CTNNA3: variants seen among roughly 807,000 people sequenced by gnomAD.
CTNNA3 encodes the protein catenin alpha-3.
CTNNA3 carries 76 observed loss-of-function variants against 95.7 expected under a neutral mutation model. The observed-to-expected ratio is 0.79, with a 90% CI of 0.66 to 0.96. The LOEUF (loss-of-function observed/expected upper bound fraction) is 0.96, where lower values mean the gene tolerates loss of function less well. CTNNA3 is among the 40% of genes least tolerant of loss of function. CTNNA3 has a pLI of 0.00. For missense variants in CTNNA3, 1,191 were observed against 1,089.8 expected (o/e 1.09, Z -1.31); for synonymous variants, 431 against 374.4 (o/e 1.15, Z -1.74).
At chr10:67,474,330 A>G (rs965887310) in intron 5 of CTNNA3, among the ~76,000 whole-genome samples, 2 of 152,210 alleles carry the variant, frequency 1.3e-5, no homozygotes, top group Admixed American at 1.3e-4. Flanking sequence ...CCCTAATCCA[A>G]TACGACCGCT....
chr10:67,347,300 A>C (rs553118496), intron 5 of CTNNA3, among the ~76,000 whole-genome samples: 1 of 152,048 alleles, frequency 6.6e-6, no homozygotes, highest in Non-Finnish European at 1.5e-5. Flanking sequence ...CTGAGCTCAA[A>C]GCCATTTTCC....
At chr10:66,970,356 T>A (rs1282952212) in intron 7 of CTNNA3, among the ~76,000 whole-genome samples, 1 of 152,140 alleles carries the variant, frequency 6.6e-6, no homozygotes, top group East Asian at 1.9e-4. Context: ...ATATATTACC[T>A]GCATACACAG....
intron 12 of CTNNA3, among the ~76,000 whole-genome samples, chr10:66,287,059 C>G (rs767033898): frequency 6.6e-6 from 1 of 152,014 alleles, no homozygotes; most frequent in African/African-American, 2.4e-5. Context: ...AATCAGCACC[C>G]CCACACTTGC....
intron 12 of CTNNA3, among the ~76,000 whole-genome samples, chr10:66,303,541 A>G (rs10997047): frequency 0.28 from 43,005 of 152,082 alleles, 6,894 homozygotes; most frequent in East Asian, 0.51. Flanking sequence ...AAGTTTTTAT[A>G]TAATTGGTTA....
At chr10:67,405,830 G>A (rs989343837) in intron 5 of CTNNA3, among the ~76,000 whole-genome samples, 1 of 152,122 alleles carries the variant, frequency 6.6e-6, no homozygotes, top group Admixed American at 6.6e-5. Context: ...AAATGTAAAA[G>A]AACTGAAATC....
At chr10:66,517,120 G>A (rs1341719822) in intron 11 of CTNNA3, among the ~76,000 whole-genome samples, 1 of 152,094 alleles carries the variant, frequency 6.6e-6, no homozygotes, top group East Asian at 1.9e-4. Flanking sequence ...TACTTGGGAG[G>A]CTGAGGCAGG....
In CTNNA3 at chr10:67,024,814, C is replaced by T. The variant is rs77872646; in HGVS notation, c.1047+155503G>A. 7.7e-3 allele frequency among the ~76,000 whole-genome samples: 1,176 copies of T among 152,086 alleles called. 40 individuals carry two copies. The East Asian group carries it at 0.11, about 14-fold the overall frequency. The stretch of plus-strand genomic sequence containing the variant: ...TAACTTGCTCAAAAGTTATTTATAA[C>T]CAATATTAATGAATTTTAAAAGAAA... On this transcript the variant is annotated intron_variant, in intron 7 of 17. Coordinates refer to ENST00000433211, the MANE Select transcript of CTNNA3 (RefSeq NM_013266.4).
rs186086239 is a variant in CTNNA3 at position 67,208,316 on chromosome 10, T to C, written c.843+11291A>G. Among the ~76,000 whole-genome samples the C allele has an allele frequency of 4.8e-3, 709 of 148,740 alleles. 3 individuals are homozygous for C. Among genetic ancestry groups the C allele is most frequent in the Middle Eastern group, 0.028 (8 of 290 alleles). ...CTTGCTTGAACCCAGGAGGCAGAGG[T>C]TGCAGTGAGCCGAGATCGTGCCACT... On this transcript the variant is annotated intron_variant, in intron 6 of 17. Transcript: ENST00000433211.
intron 10 of CTNNA3, among the ~76,000 whole-genome samples, chr10:66,554,262 TC>T (rs2132116577): frequency 6.6e-6 from 1 of 152,282 alleles, no homozygotes; most frequent in Non-Finnish European, 1.5e-5. Context: ...TTGCCTTTTT[TC>T]CCCTGAATAC....
At chr10:66,896,579 T>G (rs1333825007) in intron 7 of CTNNA3, among the ~76,000 whole-genome samples, 1 of 152,226 alleles carries the variant, frequency 6.6e-6, no homozygotes, top group Admixed American at 6.5e-5. Flanking sequence ...AATAACTGAA[T>G]GAAGAGTGGT....
At chr10:66,059,332 T>C (rs2080149370) in intron 15 of CTNNA3, among the ~76,000 whole-genome samples, 1 of 152,166 alleles carries the variant, frequency 6.6e-6, no homozygotes, top group Admixed American at 6.6e-5. Flanking sequence ...AGCTGGATAA[T>C]GAAGGTCCTT....
intron 7 of CTNNA3, among the ~76,000 whole-genome samples, chr10:67,165,129 G>A (rs1171758717): frequency 1.3e-5 from 2 of 152,082 alleles, no homozygotes; most frequent in Admixed American, 6.6e-5. Flanking sequence ...ATAGTCAAAT[G>A]TATAAACAAT....
chr10:67,700,361 A>C (rs924697358), upstream of CTNNA3, among the ~76,000 whole-genome samples: 4 of 152,202 alleles, frequency 2.6e-5, no homozygotes, highest in African/African-American at 9.6e-5. Flanking sequence ...GAGCAGCCTA[A>C]CTGGGAGGCA....
intron 5 of CTNNA3, among the ~76,000 whole-genome samples, chr10:67,358,723 G>A (rs569238060): frequency 9.9e-5 from 15 of 152,180 alleles, no homozygotes; most frequent in East Asian, 3.9e-4. Flanking sequence ...CCAGTGGGTC[G>A]TCAGAGAGTT....
chr10:67,484,233 A>G (rs531235917), intron 5 of CTNNA3, among the ~76,000 whole-genome samples: 15 of 152,348 alleles, frequency 9.8e-5, no homozygotes, highest in African/African-American at 3.6e-4. Flanking sequence ...AGGACTCCCT[A>G]TTCAATAAAT....
At chr10:66,206,581 T>G (rs2131935597) in intron 13 of CTNNA3, among the ~76,000 whole-genome samples, 1 of 152,036 alleles carries the variant, frequency 6.6e-6, no homozygotes, top group African/African-American at 2.4e-5. Context: ...GGGAATGAAA[T>G]TCATGAAATG....
intron 7 of CTNNA3, among the ~76,000 whole-genome samples, chr10:66,908,822 A>G (rs539601827): frequency 6.6e-6 from 1 of 152,272 alleles, no homozygotes; most frequent in South Asian, 2.1e-4. Context: ...AGCACTCCCT[A>G]CACACATTGT....
intron 5 of CTNNA3, among the ~76,000 whole-genome samples, chr10:67,473,423 T>C (rs1293077493): frequency 2.0e-5 from 3 of 152,212 alleles, no homozygotes; most frequent in African/African-American, 7.2e-5. Flanking sequence ...ATAACATTTG[T>C]ACTAAATATT....
chr10:67,639,877 A>G (rs988526032), intron 2 of CTNNA3, among the ~76,000 whole-genome samples: 1 of 152,216 alleles, frequency 6.6e-6, no homozygotes, highest in Non-Finnish European at 1.5e-5. Context: ...AGAGCTATTT[A>G]TGACCAACCG....
Sources: allele counts gnomAD v4.1 joint callset (sites outside exome capture counted in the v4.1 genomes callset), GRCh38; gene constraint gnomAD v4.1.1; transcripts MANE v1.5; gene names NCBI Gene and HGNC (gene_info 2026-07-23, HGNC 2026-07-21).